Variants in ARL2BP observed in about 807,000 individuals in gnomAD.
ARL2BP encodes ADP-ribosylation factor-like protein 2-binding protein.
ARL2BP carries 19 observed loss-of-function variants against 24.2 expected under a neutral mutation model. The observed-to-expected ratio is 0.79, with a 90% CI of 0.55 to 1.15. The LOEUF (loss-of-function observed/expected upper bound fraction) is 1.15. ARL2BP is among the 50% of genes most tolerant of loss of function. ARL2BP has a pLI of 0.00. For synonymous variants in ARL2BP, 56 were observed against 70.5 expected (o/e 0.79, Z 1.03); for missense variants, 160 against 190.4 (o/e 0.84, Z 0.94).
At chr16:57,246,014 T>C (rs897966928) in intron 1 of ARL2BP, 66 bp from the exon 2 acceptor site, 1 of 1,505,168 alleles carries the variant, frequency 6.6e-7, no homozygotes, top group Admixed American at 1.7e-5. Context: ...TTTGAAAACG[T>C]CCATACTAAA....
At chr16:57,252,085 A>G in intron 5 of ARL2BP, 81 bp from the exon 6 acceptor site, 1 of 1,256,174 alleles carries the variant, frequency 8.0e-7, no homozygotes, top group East Asian at 2.3e-5. Flanking sequence ...TCCCACCTTC[A>G]GCTCTGCCTT....
At chr16:57,250,015 AT>A in intron 4 of ARL2BP, 163 bp downstream of exon 4, 1 of 657,178 alleles carries the variant, frequency 1.5e-6, no homozygotes, top group Non-Finnish European at 2.6e-6. Context: ...TCTTGAAAAG[AT>A]CAGGCATTGG....
intron 2 of ARL2BP, among the ~76,000 whole-genome samples, chr16:57,247,829 G>C (rs576846471): frequency 6.6e-6 from 1 of 152,278 alleles, no homozygotes; most frequent in East Asian, 1.9e-4. Context: ...CAAAATAAGA[G>C]AGAACCAATT....
At position 57,252,652 on chromosome 16, in the gene ARL2BP, T is replaced by C. The variant is rs1474947447; in HGVS notation, c.*385T>C. 1 of 246,986 alleles carries C rather than the reference T, an allele frequency of 4.0e-6. No individual in the cohort carries two copies. Among genetic ancestry groups the C allele is most frequent in the Non-Finnish European group, 8.0e-6 (1 of 125,054 alleles). The allele number at this position is 246,986 out of a possible 1,614,324, so 15.3% of individuals were successfully genotyped here. A position where few individuals can be genotyped will look rare whatever the true frequency, so the allele number is the denominator to read the frequency against. ...TGTTCCAGCAGGCTCTGCATGAATC[T>C]TTGTGCACTTGCACCTCTTTTTCAC... On this transcript the variant is annotated 3_prime_UTR_variant, in exon 6 of 6. Transcript: ENST00000219204.
intron 1 of ARL2BP, chr16:57,245,758 AC>A (rs1174514858): frequency 4.1e-4 from 187 of 455,098 alleles, no homozygotes; most frequent in South Asian, 7.9e-4. Context: ...TGACCAAATG[AC>A]CCCCCCCGGC....
chr16:57,252,373 A>ACTCTTCATTTATGTTAAGTAT lies in ARL2BP; in HGVS notation c.*107_*127dup. On this transcript the variant is annotated 3_prime_UTR_variant, in exon 6 of 6. Coordinates refer to ENST00000219204, the MANE Select transcript of ARL2BP (RefSeq NM_012106.4). ...TTGGAAAGACTGACTCTGTTATGTA[A>ACTCTTCATTTATGTTAAGTAT]CTCTTCATTTATGTTAAGTATTAAT... is the stretch of plus-strand genomic sequence containing the variant. 6.3e-7 allele frequency: 1 copy of ACTCTTCATTTATGTTAAGTAT among 1,589,232 alleles called. No homozygotes were observed. Among genetic ancestry groups the ACTCTTCATTTATGTTAAGTAT allele is most frequent in the Non-Finnish European group, 8.6e-7 (1 of 1,169,204 alleles).
rs1308410472 is a variant in ARL2BP at position 57,245,310 on chromosome 16, G to A, written c.-58G>A. 14 of 1,574,796 alleles carry A rather than the reference G, an allele frequency of 8.9e-6. No homozygotes were observed. In the African/African-American group the frequency reaches 1.1e-4, roughly 12 times the overall value. ...GAGGCCTTAACCCCGCCGGGCGGCCGCGCCCTGCATGCGAGTTGGGCCGCG... is the reference window on the plus strand; with the variant it reads ...GAGGCCTTAACCCCGCCGGGCGGCCACGCCCTGCATGCGAGTTGGGCCGCG... On this transcript the variant is annotated 5_prime_UTR_variant, in exon 1 of 6. Transcript: ENST00000219204.
chr16:57,246,942 T>A (rs1427795419), intron 2 of ARL2BP, among the ~76,000 whole-genome samples: 1 of 152,216 alleles, frequency 6.6e-6, no homozygotes, highest in African/African-American at 2.4e-5. Context: ...TATTTGGGCA[T>A]CCATGAAACC....
intron 5 of ARL2BP, 80 bp from the exon 6 acceptor site, chr16:57,252,086 G>C: frequency 7.8e-7 from 1 of 1,287,754 alleles, no homozygotes; most frequent in Non-Finnish European, 1.1e-6. Flanking sequence ...CCCACCTTCA[G>C]CTCTGCCTTC....
In ARL2BP at chr16:57,250,478, T is replaced by C. The variant is rs1472640532; in HGVS notation, c.361T>C (p.Phe121Leu). ...MLLTFTDFLA[F>L]KEMFLDYRAE... ...GCTCACCTTCACAGATTTTCTGGCT[T>C]TTAAAGAAATGTTTTTGGACTACAG... The change falls in exon 5 of 6, where the codon TTT (phenylalanine) becomes CTT (leucine). Residue 121 changes from phenylalanine (F) to leucine (L), a missense_variant. Transcript: ENST00000219204. 1 of 1,614,092 alleles carries C rather than the reference T, an allele frequency of 6.2e-7. No individual in the cohort carries two copies. The highest frequency in any genetic ancestry group is 8.5e-7 in the Non-Finnish European group (1 of 1,180,042).
rs1163498974 is a variant in ARL2BP, at chr16:57,250,098, A to G, written c.293+246A>G. ...CACTTGAGCCCAGGAGTTCAAGACC[A>G]GCCTGGGTGACATAGTGAGGCCCCG... On this transcript the variant is annotated intron_variant, in intron 4 of 5. Coordinates refer to ENST00000219204, the MANE Select transcript of ARL2BP (RefSeq NM_012106.4). 5.0e-6 allele frequency: 3 copies of G among 595,328 alleles called. No individual in the cohort carries two copies. The East Asian group carries it at 8.4e-5, about 17-fold the overall frequency. 36.9% of individuals were successfully genotyped at this position (595,328 alleles called of 1,614,324 possible).
At chr16:57,249,895 TCA>T in intron 4 of ARL2BP, 43 bp downstream of exon 4, 1 of 1,576,812 alleles carries the variant, frequency 6.3e-7, no homozygotes, top group African/African-American at 1.3e-5. Context: ...TTTTGTTTTC[TCA>T]CTTTCTTCCT....
chr16:57,249,705 T>C lies in ARL2BP; in HGVS notation c.208-62T>C, dbSNP rs1258906350. 6 of 1,352,746 alleles carry C rather than the reference T, an allele frequency of 4.4e-6. No homozygotes were observed. The Admixed American group carries it at 6.7e-5, about 15-fold the overall frequency. 83.8% of individuals were successfully genotyped at this position (1,352,746 alleles called of 1,614,324 possible). ...TGTTTAGAAAGGGCTGGGCAGGCTTTCTGAAAAGAAGTCTTGTTTTCCCAA... is the reference window on the plus strand; with the variant it reads ...TGTTTAGAAAGGGCTGGGCAGGCTTCCTGAAAAGAAGTCTTGTTTTCCCAA... On this transcript the variant is annotated intron_variant, in intron 3 of 5. Coordinates refer to ENST00000219204, the MANE Select transcript of ARL2BP (RefSeq NM_012106.4).
intron 5 of ARL2BP, 88 bp downstream of exon 5, chr16:57,250,595 C>A: frequency 2.0e-6 from 2 of 1,007,444 alleles, no homozygotes; most frequent in Non-Finnish European, 1.5e-6. Flanking sequence ...CCCACGCTTC[C>A]CCCATCATTC....
Position 57,249,809 on chromosome 16 carries a change from C to G in ARL2BP, c.250C>G (p.Arg84Gly). Reference protein sequence around the residue: ...EKYIEEQLLQRIPEFNMAAFT... With the variant: ...EKYIEEQLLQGIPEFNMAAFT... ...ATACATTGAAGAACAGCTGCTGCAG[C>G]GGATTCCTGAGTTCAACATGGCAGC... The change falls in exon 4 of 6, where the codon CGG (arginine) becomes GGG (glycine). Residue 84 changes from arginine (R) to glycine (G), a missense_variant. Physicochemically the swap from Arg to Gly is moderately radical, Grantham distance 125. Transcript: ENST00000219204. 6.2e-7 allele frequency: 1 copy of G among 1,614,214 alleles called. No homozygotes were observed. Among genetic ancestry groups the G allele is most frequent in the Non-Finnish European group, 8.5e-7 (1 of 1,180,028 alleles).
At chr16:57,245,863 T>A (rs543173945) in intron 1 of ARL2BP, 17 of 593,548 alleles carry the variant, frequency 2.9e-5, no homozygotes, top group South Asian at 1.8e-4. Context: ...TAAAGTGGAG[T>A]CATGACATTG....
intron 1 of ARL2BP, 135 bp downstream of exon 1, chr16:57,245,540 C>A: frequency 8.5e-7 from 1 of 1,173,396 alleles, no homozygotes; most frequent in Non-Finnish European, 1.2e-6. Flanking sequence ...GCCGCCAAGG[C>A]GCCGTCCCAG....
chr16:57,250,130 CAA>C, intron 4 of ARL2BP: 1 of 590,696 alleles, frequency 1.7e-6, no homozygotes, highest in South Asian at 2.1e-5. Flanking sequence ...CCCGACCCTA[CAA>C]AAAATAAATT....
chr16:57,250,631 T>A, intron 5 of ARL2BP, 124 bp downstream of exon 5: 1 of 733,556 alleles, frequency 1.4e-6, no homozygotes, highest in Non-Finnish European at 2.3e-6. Context: ...CGATGAGGCA[T>A]CAGAAGAGTG....
Sources: allele counts gnomAD v4.1 joint callset (sites outside exome capture counted in the v4.1 genomes callset), GRCh38; gene constraint gnomAD v4.1.1; transcripts MANE v1.5; gene names NCBI Gene and HGNC (gene_info 2026-07-23, HGNC 2026-07-21).